The following RPS6KC1 variants were observed in gnomAD, a reference collection of about 807,000 sequenced individuals.
RPS6KC1 encodes the protein inactive ribosomal protein S6 kinase delta-1.
Under a neutral mutation model 103.8 loss-of-function variants are expected in RPS6KC1, and 54 were observed. The observed-to-expected ratio is 0.52, with a 90% CI of 0.42 to 0.65. The LOEUF is 0.65. Among genes scored for constraint, RPS6KC1 ranks in the 30% least tolerant of loss-of-function variants. RPS6KC1 has a pLI of 0.00. For missense variants in RPS6KC1, 1,151 were observed against 1,253.8 expected (o/e 0.92, Z 1.24); for synonymous variants, 439 against 438.7 (o/e 1.00, Z -0.01).
chr1:213,747,920 C>T, the RPS6KC1 span, among the ~76,000 whole-genome samples: 2 of 152,286 alleles, frequency 1.3e-5, 1 homozygote, highest in East Asian at 3.9e-4. Context: ...ATGGTATGGA[C>T]AATATTGTAA....
the RPS6KC1 span, among the ~76,000 whole-genome samples, chr1:213,690,636 A>C: frequency 1.3e-5 from 2 of 152,202 alleles, no homozygotes; most frequent in African/African-American, 4.8e-5. Flanking sequence ...TGGGCTTTAC[A>C]GTCAAGCAGA....
intron 1 of RPS6KC1, among the ~76,000 whole-genome samples, chr1:213,066,146 G>A (rs1411736270): frequency 6.6e-6 from 1 of 152,192 alleles, no homozygotes; most frequent in East Asian, 1.9e-4. Context: ...GCCTTGAACA[G>A]TATTAGCACA....
intron 10 of RPS6KC1, among the ~76,000 whole-genome samples, chr1:213,232,916 T>C (rs531775938): frequency 6.6e-6 from 1 of 152,306 alleles, no homozygotes; most frequent in Non-Finnish European, 1.5e-5. Context: ...GAAAACAGCA[T>C]ATAAATATAA....
the RPS6KC1 span, among the ~76,000 whole-genome samples, chr1:213,711,679 C>G: frequency 6.6e-6 from 1 of 152,228 alleles, no homozygotes; most frequent in Non-Finnish European, 1.5e-5. Context: ...TGTTGGTGCC[C>G]TTCAGATGGA....
chr1:213,077,745 T>C lies in RPS6KC1; in HGVS notation c.191T>C (p.Leu64Pro). 6.5e-7 allele frequency: 1 copy of C among 1,538,194 alleles called. No individual in the cohort carries two copies. The highest frequency in any genetic ancestry group is 1.2e-5 in the South Asian group (1 of 82,852). Residue 64 changes from leucine to proline, a missense_variant, in exon 3 of 15, where the codon CTA (leucine) becomes CCA (proline). Coordinates refer to ENST00000366960, the MANE Select transcript of RPS6KC1 (RefSeq NM_012424.6). ...GATTTTAAGAAACTACACAAAGAAC[T>C]ATGGCAAATTCACAAAAACTTATTC... ...YSDFKKLHKE[L>P]WQIHKNLFRH... is the part of the protein sequence containing the mutation.
At chr1:213,127,543 G>A (rs1017909426) in intron 5 of RPS6KC1, among the ~76,000 whole-genome samples, 1 of 152,142 alleles carries the variant, frequency 6.6e-6, no homozygotes, top group African/African-American at 2.4e-5. Flanking sequence ...CTTTTTTCAT[G>A]GGACACCATT....
the RPS6KC1 span, among the ~76,000 whole-genome samples, chr1:213,673,162 T>A: frequency 6.6e-6 from 1 of 152,092 alleles, no homozygotes; most frequent in Non-Finnish European, 1.5e-5. Flanking sequence ...TTCATACAGA[T>A]CCATAAACAT....
the RPS6KC1 span, among the ~76,000 whole-genome samples, chr1:213,545,712 C>T: frequency 2.0e-5 from 3 of 152,116 alleles, no homozygotes; most frequent in Non-Finnish European, 2.9e-5. Flanking sequence ...CACAATTCAA[C>T]CCATATGAGT....
rs139986699 is a variant in RPS6KC1 at position 213,129,907 on chromosome 1, T to C, written c.835+18T>C. ...TGTTCAAGGTATGGTTTTATGTATA[T>C]TATGTTTTGGCATGCTCTTTTGTTG... On this transcript the variant is annotated intron_variant, in intron 6 of 14. Coordinates refer to ENST00000366960, the MANE Select transcript of RPS6KC1 (RefSeq NM_012424.6). 1,056 of 1,560,626 alleles carry C rather than the reference T, an allele frequency of 6.8e-4. 4 individuals are homozygous for C. In the African/African-American group the frequency reaches 0.013, roughly 19 times the overall value.
chr1:213,819,340 C>T, the RPS6KC1 span: 18 of 152,174 alleles, frequency 1.2e-4, no homozygotes, highest in Non-Finnish European at 4.4e-5. Flanking sequence ...ATCACAAAAG[C>T]CAGAGATCGT....
chr1:213,806,910 G>A, the RPS6KC1 span, among the ~76,000 whole-genome samples: 1 of 151,890 alleles, frequency 6.6e-6, no homozygotes, highest in African/African-American at 2.4e-5. Context: ...TTTTGCAGTG[G>A]CTGGTACCGG....
At chr1:213,264,230 A>G (rs546087377) in intron 14 of RPS6KC1, among the ~76,000 whole-genome samples, 2 of 152,300 alleles carry the variant, frequency 1.3e-5, no homozygotes, top group South Asian at 2.1e-4. Flanking sequence ...TGCCCAGAGT[A>G]TGCAAACTAT....
the RPS6KC1 span, among the ~76,000 whole-genome samples, chr1:213,777,911 T>C: frequency 6.6e-6 from 1 of 152,216 alleles, no homozygotes; most frequent in Non-Finnish European, 1.5e-5. Flanking sequence ...TTATCTAACT[T>C]AATCCTCATC....
At chr1:213,804,554 C>G in the RPS6KC1 span, among the ~76,000 whole-genome samples, 785 of 152,326 alleles carry the variant, frequency 5.2e-3, 3 homozygotes, top group African/African-American at 0.018. Context: ...TCTGCCATCT[C>G]CCCTGGGCAT....
At chr1:213,101,660 A>G in intron 3 of RPS6KC1, among the ~76,000 whole-genome samples, 1 of 152,310 alleles carries the variant, frequency 6.6e-6, no homozygotes. Flanking sequence ...TAGTTAATGC[A>G]TTTAAAGATA....
the RPS6KC1 span, among the ~76,000 whole-genome samples, chr1:213,678,954 C>A: frequency 6.6e-6 from 1 of 152,244 alleles, no homozygotes; most frequent in African/African-American, 2.4e-5. Context: ...CAATTCCTGG[C>A]AGAAAGTAAG....
chr1:213,848,792 C>G, the RPS6KC1 span, among the ~76,000 whole-genome samples: 1 of 152,054 alleles, frequency 6.6e-6, no homozygotes, highest in East Asian at 1.9e-4. Context: ...TTGTAATGCT[C>G]TAACCCATCT....
At chr1:213,623,021 C>T in the RPS6KC1 span, among the ~76,000 whole-genome samples, 1 of 152,136 alleles carries the variant, frequency 6.6e-6, no homozygotes, top group Admixed American at 6.5e-5. Context: ...CCAGGAAAGC[C>T]TTTGGAACTT....
At chr1:213,744,161 A>C in the RPS6KC1 span, among the ~76,000 whole-genome samples, 1 of 152,220 alleles carries the variant, frequency 6.6e-6, no homozygotes, top group East Asian at 1.9e-4. Flanking sequence ...ATAAAAGACT[A>C]CATGGTGGGT....
Sources: gnomAD v4.1 joint callset for allele counts (sites outside exome capture counted in the v4.1 genomes callset) on GRCh38, gnomAD v4.1.1 for gene constraint, MANE v1.5 for transcripts, NCBI Gene and HGNC (gene_info 2026-07-23, HGNC 2026-07-21) for gene names.